SPOPL: variants seen among roughly 807,000 people sequenced by gnomAD.
The protein encoded by SPOPL is speckle type BTB/POZ protein like.
In SPOPL, 23 loss-of-function variants were observed where a neutral mutation model predicts 53.8. The observed-to-expected ratio is 0.43, with a 90% CI of 0.31 to 0.61. The LOEUF is 0.61. Among genes scored for constraint, SPOPL ranks in the 20% least tolerant of loss-of-function variants. The pLI is 0.12. For synonymous variants in SPOPL, 164 were observed against 149.7 expected (o/e 1.10, Z -0.70); for missense variants, 442 against 466.9 (o/e 0.95, Z 0.49).
intron 1 of SPOPL, among the ~76,000 whole-genome samples, chr2:138,504,219 C>T (rs1411328402): frequency 1.3e-5 from 2 of 152,156 alleles, no homozygotes; most frequent in African/African-American, 4.8e-5. Context: ...TCTTGTGCCA[C>T]CATGGAACAT....
At chr2:138,545,625 C>G (rs1685177341) in intron 1 of SPOPL, among the ~76,000 whole-genome samples, 1 of 151,518 alleles carries the variant, frequency 6.6e-6, no homozygotes, top group Admixed American at 6.6e-5. Flanking sequence ...TTTTTTAGCA[C>G]AGACAGGGTT....
intron 5 of SPOPL, 56 bp from the exon 6 acceptor site, chr2:138,558,961 TTAAAC>T: frequency 7.0e-7 from 1 of 1,420,778 alleles, no homozygotes; most frequent in Non-Finnish European, 9.4e-7. Context: ...AAGTATGGAC[TTAAAC>T]TAATTACTGA....
intron 1 of SPOPL, among the ~76,000 whole-genome samples, chr2:138,516,284 A>C (rs1008460455): frequency 6.6e-6 from 1 of 152,112 alleles, no homozygotes; most frequent in Non-Finnish European, 1.5e-5. Context: ...TGTGGGTTTG[A>C]GGTTTGACGA....
In SPOPL at chr2:138,570,856, A is replaced by G. The variant is rs982565480; in HGVS notation, c.*1776A>G. 6.6e-6 allele frequency: 1 copy of G among 152,158 alleles called. No individual in the cohort carries two copies. The highest frequency in any genetic ancestry group is 1.5e-5 in the Non-Finnish European group (1 of 68,014). 9.4% of individuals were successfully genotyped at this position (152,158 alleles called of 1,614,324 possible). On this transcript the variant is annotated 3_prime_UTR_variant, in exon 11 of 11. Coordinates refer to ENST00000280098, the MANE Select transcript of SPOPL (RefSeq NM_001001664.3). ...CTCAACTAAGCATTTGTTATCCACA[A>G]CAACCTAGAGTTTAAAAAGATCGTA...
chr2:138,541,971 T>C (rs1163308631), intron 1 of SPOPL, among the ~76,000 whole-genome samples: 1 of 152,192 alleles, frequency 6.6e-6, no homozygotes, highest in African/African-American at 2.4e-5. Context: ...AACATCCTTA[T>C]TTCTGCCTTC....
At chr2:138,513,070 G>A (rs1055951413) in intron 1 of SPOPL, among the ~76,000 whole-genome samples, 1 of 152,216 alleles carries the variant, frequency 6.6e-6, no homozygotes, top group Non-Finnish European at 1.5e-5. Context: ...GGTAATGATG[G>A]TGGTGAAGGG....
chr2:138,550,374 T>C (rs1685287613), intron 2 of SPOPL, 80 bp downstream of exon 2: 3 of 1,590,796 alleles, frequency 1.9e-6, no homozygotes, highest in East Asian at 4.5e-5. Flanking sequence ...TGAAACACTT[T>C]GCCATAGTTA....
intron 1 of SPOPL, among the ~76,000 whole-genome samples, chr2:138,548,089 G>A (rs1258118980): frequency 6.6e-6 from 1 of 152,054 alleles, no homozygotes. Flanking sequence ...TTGATCTATA[G>A]CAAAGCCTTA....
At chr2:138,523,470 C>T (rs1684601645) in intron 1 of SPOPL, among the ~76,000 whole-genome samples, 1 of 152,120 alleles carries the variant, frequency 6.6e-6, no homozygotes, top group Non-Finnish European at 1.5e-5. Flanking sequence ...CAAAACCAAT[C>T]ATGCCTTTCC....
intron 1 of SPOPL, among the ~76,000 whole-genome samples, chr2:138,532,216 A>C (rs899883920): frequency 6.6e-6 from 1 of 152,100 alleles, no homozygotes; most frequent in Non-Finnish European, 1.5e-5. Flanking sequence ...CCTCACCAGG[A>C]TCTTAGCCCC....
intron 1 of SPOPL, among the ~76,000 whole-genome samples, chr2:138,537,583 A>C (rs966435765): frequency 4.1e-4 from 63 of 152,292 alleles, no homozygotes; most frequent in African/African-American, 1.5e-3. Context: ...GAAATTGGGC[A>C]CAAGACAATA....
intron 1 of SPOPL, among the ~76,000 whole-genome samples, chr2:138,520,462 C>CA (rs1479251057): frequency 6.6e-6 from 1 of 152,146 alleles, no homozygotes; most frequent in Non-Finnish European, 1.5e-5. Flanking sequence ...CATTTGGTTT[C>CA]AGCTATTTGT....
chr2:138,529,105 C>T (rs1477962327), intron 1 of SPOPL, among the ~76,000 whole-genome samples: 2 of 152,114 alleles, frequency 1.3e-5, no homozygotes, highest in Non-Finnish European at 2.9e-5. Context: ...TATTATAAAA[C>T]AAATTTCAAA....
intron 1 of SPOPL, among the ~76,000 whole-genome samples, chr2:138,517,940 T>C (rs372152710): frequency 5.4e-5 from 8 of 149,434 alleles, no homozygotes; most frequent in South Asian, 4.2e-4. Flanking sequence ...CCCAGCAACT[T>C]GCAGGGCTGA....
chr2:138,528,605 G>A (rs981301548), intron 1 of SPOPL, among the ~76,000 whole-genome samples: 2 of 152,096 alleles, frequency 1.3e-5, no homozygotes, highest in African/African-American at 2.4e-5. Flanking sequence ...TCAAAGTTCC[G>A]TCTTGGGTGC....
intron 1 of SPOPL, among the ~76,000 whole-genome samples, chr2:138,512,775 CT>C (rs1684354522): frequency 1.3e-5 from 2 of 152,210 alleles, no homozygotes; most frequent in Admixed American, 1.3e-4. Flanking sequence ...TATTCATTTA[CT>C]TCACAAGTAG....
rs141496318 is a variant in SPOPL at position 138,507,969 on chromosome 2, A to G, written c.-61+5850A>G. Among the ~76,000 whole-genome samples the G allele has an allele frequency of 1.7e-3, 255 of 152,346 alleles. 1 individual carries two copies. Among genetic ancestry groups the G allele is most frequent in the African/African-American group, 5.7e-3 (235 of 41,580 alleles). On this transcript the variant is annotated intron_variant, in intron 1 of 10. Transcript: ENST00000280098. ...AGTGACTTATTATGGAAGAAATTTT[A>G]TACATGTAACTTTTTCTCTCAATTT...
intron 1 of SPOPL, among the ~76,000 whole-genome samples, chr2:138,510,156 A>C (rs1448088130): frequency 1.3e-5 from 2 of 152,186 alleles, no homozygotes; most frequent in African/African-American, 4.8e-5. Flanking sequence ...CAAGTTTTGC[A>C]GATTATGAGT....
In SPOPL at chr2:138,550,173, T is replaced by C; in HGVS notation, c.-44T>C. Reference sequence around the variant, plus strand: ...CCTTTGTAGGTAAGGTACTCAACTGTGTGGGGTACTACATAAATCCTGAAA... The same window carrying C: ...CCTTTGTAGGTAAGGTACTCAACTGCGTGGGGTACTACATAAATCCTGAAA... On this transcript the variant is annotated 5_prime_UTR_variant, in exon 2 of 11. Coordinates refer to ENST00000280098, the MANE Select transcript of SPOPL (RefSeq NM_001001664.3). 4 of 1,564,694 alleles carry C rather than the reference T, an allele frequency of 2.6e-6. No individual in the cohort carries two copies. Among genetic ancestry groups the C allele is most frequent in the Non-Finnish European group, 3.5e-6 (4 of 1,136,452 alleles).
Sources: allele counts gnomAD v4.1 joint callset (sites outside exome capture counted in the v4.1 genomes callset), GRCh38; gene constraint gnomAD v4.1.1; transcripts MANE v1.5; gene names NCBI Gene and HGNC (gene_info 2026-07-23, HGNC 2026-07-21).